ELAVL3: variants seen among roughly 807,000 people sequenced by gnomAD.
ELAVL3 encodes ELAV like RNA binding protein 3.
In ELAVL3, 8 loss-of-function variants were observed where a neutral mutation model predicts 34.2. The observed-to-expected ratio is 0.23, with a 90% CI of 0.14 to 0.42. The LOEUF (loss-of-function observed/expected upper bound fraction) is 0.42, where lower values mean the gene tolerates loss of function less well. Ranked by LOEUF, ELAVL3 falls within the 10% of genes least tolerant of loss-of-function variation. The probability of loss-of-function intolerance (pLI) is 1.00; values close to 1 mark genes in which losing one functional copy is unlikely to be tolerated. For missense variants in ELAVL3, 273 were observed against 518.8 expected, an observed-to-expected ratio of 0.53 and a Z score of 4.60; for synonymous variants, 209 against 222.1, an observed-to-expected ratio of 0.94 and a Z score of 0.53.
rs1364156032 is a variant in ELAVL3, at chr19:11,454,177, C to T, written c.*349G>A. 1.8e-5 allele frequency: 4 copies of T among 224,544 alleles called. No homozygotes were observed. In the East Asian group the frequency reaches 2.9e-4, roughly 16 times the overall value. The allele number at this position is 224,544 out of a possible 1,614,324, so 13.9% of individuals were successfully genotyped here. Reference sequence around the variant, plus strand: ...CCTGGAGCCCCCCAAGCCATCCCATCGGGGGTGGTCGAGGGTGGGGGTGGG... The same window carrying T: ...CCTGGAGCCCCCCAAGCCATCCCATTGGGGGTGGTCGAGGGTGGGGGTGGG... On this transcript the variant is annotated 3_prime_UTR_variant, in exon 7 of 7. Transcript: ENST00000359227. The surrounding 1 kb of genome is among the most constrained non-coding windows in gnomAD (Gnocchi z 9.2).
chr19:11,455,534 G>A (rs1473409186), intron 6 of ELAVL3, among the ~76,000 whole-genome samples: 4 of 151,888 alleles, frequency 2.6e-5, no homozygotes, highest in Non-Finnish European at 4.4e-5. Flanking sequence ...TGATCCGCCC[G>A]CTTCGACCTC....
In ELAVL3 at chr19:11,457,038, G is replaced by T. The variant is rs975747342; in HGVS notation, c.752+72C>A. 22 of 1,342,874 alleles carry T rather than the reference G, an allele frequency of 1.6e-5. No individual in the cohort carries two copies. In the East Asian group the frequency reaches 5.5e-4, roughly 34 times the overall value. 83.2% of individuals were successfully genotyped at this position (1,342,874 alleles called of 1,614,324 possible). The stretch of plus-strand genomic sequence containing the variant: ...CAAGGCTAAGCCTGCAGCCCTGGGG[G>T]TGAGCTGGGGAGGGGTGCATCAGGG... On this transcript the variant is annotated intron_variant, in intron 6 of 6. Transcript: ENST00000359227.
chr19:11,451,540 G>C lies in ELAVL3; in HGVS notation c.*2986C>G, dbSNP rs1200021529. ...TACAGTTTTTTATCACCTCCAACAT[G>C]GACTCTGTCGTGATTTGAAACCTTC... On this transcript the variant is annotated 3_prime_UTR_variant, in exon 7 of 7. Coordinates refer to ENST00000359227, the MANE Select transcript of ELAVL3 (RefSeq NM_001420.4). The C allele has an allele frequency of 2.4e-5, 3 of 122,734 alleles. No homozygotes were observed. The highest frequency in any genetic ancestry group is 2.2e-4 in the Admixed American group (2 of 9,086). The allele number at this position is 122,734 out of a possible 1,614,324, so 7.6% of individuals were successfully genotyped here.
chr19:11,477,459 A>G (rs1971282872), intron 1 of ELAVL3, among the ~76,000 whole-genome samples: 2 of 151,962 alleles, frequency 1.3e-5, no homozygotes, highest in Admixed American at 1.3e-4. Context: ...CTTTTTCTGT[A>G]GAGATGAGGT....
rs763911845 is a variant in ELAVL3, at chr19:11,458,436, G to T, written c.487+22C>A. 1 of 1,613,742 alleles carries T rather than the reference G, an allele frequency of 6.2e-7. No homozygotes were observed. Among genetic ancestry groups the T allele is most frequent in the South Asian group, 1.1e-5 (1 of 91,056 alleles). On this transcript the variant is annotated intron_variant, in intron 4 of 6. Coordinates refer to ENST00000359227, the MANE Select transcript of ELAVL3 (RefSeq NM_001420.4). The surrounding 1 kb of genome is among the most constrained non-coding windows in gnomAD (Gnocchi z 7.3). ...CCTTTGCCCAGCGCCCCCGCCAGGT[G>T]CACCCTCCCTGACTGCCTGACCTGT...
At position 11,458,909 on chromosome 19, in the gene ELAVL3, C is replaced by T. The variant is rs1215805857; in HGVS notation, c.334-298G>A. ...AAGGGATCCTTGAATAGCCGGCTCA[C>T]ATCACTATCACATGCTTGACAGTCC... is the stretch of plus-strand genomic sequence containing the variant. On this transcript the variant is annotated intron_variant, in intron 3 of 6. Transcript: ENST00000359227. This position sits in a 1 kb window ranked among gnomAD's most constrained non-coding sequence, Gnocchi z 7.3. Among the ~76,000 whole-genome samples, 1 of 151,858 alleles carries T rather than the reference C, an allele frequency of 6.6e-6. No homozygotes were observed. The highest frequency in any genetic ancestry group is 2.4e-5 in the African/African-American group (1 of 41,316).
Position 11,466,280 on chromosome 19 carries a change from G to T in ELAVL3, c.230-5C>A. On this transcript the variant is annotated splice_polypyrimidine_tract_variant and splice_region_variant and intron_variant, in intron 2 of 6. Transcript: ENST00000359227. The surrounding 1 kb of genome is among the most constrained non-coding windows in gnomAD (Gnocchi z 5.0). ...ACCCGTAGCCAAGGCTCTGCCCTGT[G>T]GGCAGAACCAGAATGATGACCTTCC... The T allele has an allele frequency of 6.2e-7, 1 of 1,613,318 alleles. No homozygotes were observed.
intron 1 of ELAVL3, among the ~76,000 whole-genome samples, chr19:11,469,340 G>T (rs1971118300): frequency 6.6e-6 from 1 of 152,188 alleles, no homozygotes; most frequent in South Asian, 2.1e-4. Flanking sequence ...GAGTGCAATG[G>T]CGCGATCTTG....
At chr19:11,456,094 C>T (rs761173993) in intron 6 of ELAVL3, among the ~76,000 whole-genome samples, 2 of 151,972 alleles carry the variant, frequency 1.3e-5, no homozygotes, top group African/African-American at 2.4e-5. Context: ...GCTGGGTCTC[C>T]GTCACCCCTT....
In ELAVL3 at chr19:11,465,063, A is replaced by C. The variant is rs554666004; in HGVS notation, c.333+1109T>G. 2.2e-3 allele frequency among the ~76,000 whole-genome samples: 236 copies of C among 106,280 alleles called. 2 individuals are homozygous for C. The highest frequency in any genetic ancestry group is 8.3e-3 in the African/African-American group (227 of 27,378). 69.7% of individuals were successfully genotyped at this position (106,280 alleles called of 152,430 possible). On this transcript the variant is annotated intron_variant, in intron 3 of 6. Coordinates refer to ENST00000359227, the MANE Select transcript of ELAVL3 (RefSeq NM_001420.4). ...ACCACACACATACACACATACACAC[A>C]TCCCACACACCCCACACAGACACAC...
intron 1 of ELAVL3, among the ~76,000 whole-genome samples, chr19:11,478,207 GC>G (rs1393239053): frequency 1.3e-5 from 2 of 152,234 alleles, no homozygotes; most frequent in East Asian, 3.9e-4. Flanking sequence ...GTTACTGGCT[GC>G]CCCCCTCCCA....
In ELAVL3 at chr19:11,467,278, C is replaced by T. The variant is rs575395905; in HGVS notation, c.10-451G>A. Among the ~76,000 whole-genome samples, 28 of 151,734 alleles carry T rather than the reference C, an allele frequency of 1.8e-4. 1 individual carries two copies. In the South Asian group the frequency reaches 4.8e-3, roughly 26 times the overall value. ...TCTCTACTAAAAATACAAAATTAGCCGGGCGTGGTGGCGCATGCCTGTAAT... is the reference window on the plus strand; with the variant it reads ...TCTCTACTAAAAATACAAAATTAGCTGGGCGTGGTGGCGCATGCCTGTAAT... On this transcript the variant is annotated intron_variant, in intron 1 of 6. Coordinates refer to ENST00000359227, the MANE Select transcript of ELAVL3 (RefSeq NM_001420.4).
intron 1 of ELAVL3, among the ~76,000 whole-genome samples, chr19:11,475,388 C>T (rs1971243839): frequency 6.6e-6 from 1 of 151,996 alleles, no homozygotes; most frequent in South Asian, 2.1e-4. Flanking sequence ...CAGGCTGACC[C>T]TGAACTCTCA....
intron 1 of ELAVL3, among the ~76,000 whole-genome samples, chr19:11,472,895 C>T (rs987222275): frequency 6.6e-6 from 1 of 151,484 alleles, no homozygotes; most frequent in East Asian, 1.9e-4. Flanking sequence ...GGTGAAACCC[C>T]GTCTCTACTA....
At chr19:11,473,045 T>C (rs1343384058) in intron 1 of ELAVL3, among the ~76,000 whole-genome samples, 119 of 133,328 alleles carry the variant, frequency 8.9e-4, no homozygotes, top group Middle Eastern at 0.013. Context: ...CCAGCCTGGG[T>C]GACAGAGTGA....
chr19:11,478,147 G>T (rs916662402), intron 1 of ELAVL3, among the ~76,000 whole-genome samples: 1 of 152,124 alleles, frequency 6.6e-6, no homozygotes, highest in African/African-American at 2.4e-5. Flanking sequence ...GAGGTGGAGG[G>T]GATGGTGTCA....
intron 1 of ELAVL3, among the ~76,000 whole-genome samples, chr19:11,468,205 A>G (rs1971094784): frequency 1.3e-5 from 2 of 152,092 alleles, no homozygotes; most frequent in Admixed American, 1.3e-4. Flanking sequence ...TTCATGCATA[A>G]GTTTCTTACT....
At chr19:11,474,924 G>A (rs1971235393) in intron 1 of ELAVL3, among the ~76,000 whole-genome samples, 1 of 152,168 alleles carries the variant, frequency 6.6e-6, no homozygotes, top group Non-Finnish European at 1.5e-5. Context: ...CGCCTCCTGG[G>A]TTCACACCAT....
At chr19:11,477,518 T>C (rs977088720) in intron 1 of ELAVL3, among the ~76,000 whole-genome samples, 3 of 152,044 alleles carry the variant, frequency 2.0e-5, no homozygotes, top group Non-Finnish European at 2.9e-5. Context: ...CCTCCCAAAG[T>C]GCTGAGATTA....
Sources: allele counts gnomAD v4.1 joint callset (sites outside exome capture counted in the v4.1 genomes callset), GRCh38; gene constraint gnomAD v4.1.1; non-coding constraint Gnocchi (gnomAD v3.1); transcripts MANE v1.5; gene names NCBI Gene and HGNC (gene_info 2026-07-23, HGNC 2026-07-21).